Variants in ALG13 observed in about 807,000 individuals in gnomAD.
ALG13 encodes the protein UDP-N-acetylglucosamine transferase subunit ALG13.
In ALG13, 11 loss-of-function variants were observed where a neutral mutation model predicts 87.8. The ratio of observed to expected loss-of-function variants is 0.13; its 90% CI spans 0.08 to 0.21. The LOEUF (loss-of-function observed/expected upper bound fraction) is 0.21. ALG13 is among the 10% of genes least tolerant of loss of function. The pLI is 1.00. For synonymous variants in ALG13, 320 were observed against 306.3 expected, an observed-to-expected ratio of 1.04 and a Z score of -0.47; for missense variants, 756 against 866.1, an observed-to-expected ratio of 0.87 and a Z score of 1.60.
intron 20 of ALG13, 48 bp downstream of exon 20, chrX:111,730,475 T>C (rs755733766): frequency 1.7e-6 from 2 of 1,196,025 alleles, no homozygotes; most frequent in Non-Finnish European, 2.3e-6. Flanking sequence ...GTTTATAGAA[T>C]TTCAAGCTAT....
In ALG13 at chrX:111,726,988, A is replaced by T. The variant is rs1443316431; in HGVS notation, c.1909A>T (p.Met637Leu). 1.7e-6 allele frequency: 2 copies of T among 1,210,943 alleles called. No homozygotes were observed. Among genetic ancestry groups the T allele is most frequent in the Non-Finnish European group, 2.2e-6 (2 of 894,805 alleles). ...MHYSQTAGNV[M>L]SNEHFHPQHP... ...CTACTCACAGACAGCTGGCAATGTT[A>T]TGTCTAATGAACATTTTCATCCTCA... The change falls in exon 16 of 27, where the codon ATG becomes TTG. Residue 637 changes from methionine (M) to leucine (L), a missense_variant. By Grantham distance (15) the Met-to-Leu change is conservative. Transcript: ENST00000394780.
rs201622950 is a variant in ALG13 at position 111,681,192 on chromosome X, G to A, written c.-27G>A. ...CTCAGTTGCGTCATATCCGGCCCTT[G>A]CGATCAGGGCTTGAGGAACCCGCGC... On this transcript the variant is annotated 5_prime_UTR_variant, in exon 1 of 27. Coordinates refer to ENST00000394780, the MANE Select transcript of ALG13 (RefSeq NM_001099922.3). 136 of 1,200,470 alleles carry A rather than the reference G, an allele frequency of 1.1e-4. 1 individual carries two copies. The African/African-American group carries it at 2.0e-3, about 18-fold the overall frequency.
rs2148153415 is a variant in ALG13 at position 111,721,727 on chromosome X, C to G, written c.1435+16C>G. ...AGCAGAAAAGGTAAAGAAATATCAA[C>G]AGGATACTTTTGAATCCTGACAAAT... is the stretch of plus-strand genomic sequence containing the variant. On this transcript the variant is annotated intron_variant, in intron 12 of 26. Coordinates refer to ENST00000394780, the MANE Select transcript of ALG13 (RefSeq NM_001099922.3). 5 of 1,081,967 alleles carry G rather than the reference C, an allele frequency of 4.6e-6. No individual in the cohort carries two copies. The highest frequency in any genetic ancestry group is 2.3e-5 in the Admixed American group (1 of 42,705). 89.2% of individuals were successfully genotyped at this position (1,081,967 alleles called of 1,213,427 possible).
rs773641755 is a variant in ALG13, at chrX:111,718,233, C to T, written c.1209C>T (p.Ser403=). The change falls in exon 10 of 27, where the codon AGC becomes AGT. Residue 403 remains serine (S), a synonymous_variant. Coordinates refer to ENST00000394780, the MANE Select transcript of ALG13 (RefSeq NM_001099922.3). ...KKNRNNAVTG[S]EDAHTDYKSS... Reference sequence around the variant, plus strand: ...ACAGAAATAATGCTGTAACTGGAAGCGAGGATGCCCATACTGATTACAAGA... The same window carrying T: ...ACAGAAATAATGCTGTAACTGGAAGTGAGGATGCCCATACTGATTACAAGA... 1.8e-5 allele frequency: 21 copies of T among 1,191,816 alleles called. No individual in the cohort carries two copies. Among genetic ancestry groups the T allele is most frequent in the East Asian group, 6.0e-5 (2 of 33,315 alleles).
intron 3 of ALG13, chrX:111,689,342 A>C: frequency 1.3e-6 from 1 of 754,186 alleles, no homozygotes; most frequent in Non-Finnish European, 1.6e-6. Context: ...CATTTGAGAA[A>C]ATTGTGACTT....
At chrX:111,682,885 C>T (rs1450253707) in intron 2 of ALG13, among the ~76,000 whole-genome samples, 2 of 111,994 alleles carry the variant, frequency 1.8e-5, no homozygotes, top group African/African-American at 3.2e-5. Flanking sequence ...TAAATTGTTT[C>T]CTCTTCAGAG....
At chrX:111,751,720 A>G (rs1302099266) in intron 24 of ALG13, among the ~76,000 whole-genome samples, 2 of 111,539 alleles carry the variant, frequency 1.8e-5, no homozygotes, top group Non-Finnish European at 3.8e-5. Flanking sequence ...ATACAAGCTG[A>G]TTTTAAAAAA....
At chrX:111,689,158 G>T in intron 3 of ALG13, 1 of 713,164 alleles carries the variant, frequency 1.4e-6, no homozygotes, top group Non-Finnish European at 1.7e-6. Context: ...GCAGGAGGAA[G>T]CCAACTTGGA....
intron 24 of ALG13, among the ~76,000 whole-genome samples, chrX:111,747,776 C>T (rs759360551): frequency 3.6e-5 from 4 of 112,128 alleles, no homozygotes; most frequent in Admixed American, 1.9e-4. Context: ...TCAGCCACCA[C>T]GCCCTGTGGA....
At chrX:111,758,052 C>T (rs1312893018) in intron 26 of ALG13, among the ~76,000 whole-genome samples, 2 of 111,579 alleles carry the variant, frequency 1.8e-5, no homozygotes, top group Non-Finnish European at 3.8e-5. Context: ...CTAGTTGGTA[C>T]TGACCCCAGA....
chrX:111,759,967 C>T lies in ALG13; in HGVS notation c.3382C>T (p.Pro1128Ser), dbSNP rs772141937. Reference sequence around the variant, plus strand: ...AATTGGCTGTATTGCTCCATCTCCCCCAGCTTCTCATTATGTACCTCAGGG... The same window carrying T: ...AATTGGCTGTATTGCTCCATCTCCCTCAGCTTCTCATTATGTACCTCAGGG... Reference protein sequence around the residue: ...GPIGCIAPSPPASHYVPQGM With the variant: ...GPIGCIAPSPSASHYVPQGM The change falls in exon 27 of 27, where the codon CCA (proline) becomes TCA (serine). Residue 1128 changes from proline (P) to serine (S), a missense_variant. Physicochemically the swap from Pro to Ser is moderately conservative, Grantham distance 74. Transcript: ENST00000394780. 4 of 1,209,044 alleles carry T rather than the reference C, an allele frequency of 3.3e-6. No homozygotes were observed. The highest frequency in any genetic ancestry group is 2.2e-5 in the Admixed American group (1 of 45,540).
chrX:111,752,860 A>G (rs950383292), intron 25 of ALG13, 30 bp downstream of exon 25: 52 of 1,135,273 alleles, frequency 4.6e-5, no homozygotes, highest in Non-Finnish European at 6.2e-5. Flanking sequence ...TTCTTTGATA[A>G]GCCCTATTTT....
chrX:111,689,941 C>G (rs1482664135), intron 3 of ALG13: 17 of 751,742 alleles, frequency 2.3e-5, no homozygotes, highest in Non-Finnish European at 2.7e-5. Context: ...ACAACCTTAC[C>G]TAGGACTTAG....
intron 1 of ALG13, chrX:111,681,564 C>T (rs772946695): frequency 4.6e-4 from 438 of 959,355 alleles, no homozygotes; most frequent in Non-Finnish European, 5.7e-4. Flanking sequence ...CTTTTCCGGT[C>T]TGCCCCCGCG....
intron 19 of ALG13, 135 bp from the exon 20 acceptor site, chrX:111,730,260 T>A (rs993726360): frequency 2.4e-5 from 12 of 509,110 alleles, no homozygotes; most frequent in Non-Finnish European, 3.4e-5. Context: ...CATATCACTT[T>A]TCAGGATGTA....
Position 111,727,315 on chromosome X carries a change from T to A in ALG13, c.1977-17T>A. ...TAGTGAATAGAGAGTTCTAGTTTCCTTTCTCTTTATTCTTAGGAATTCATC... is the reference window on the plus strand; with the variant it reads ...TAGTGAATAGAGAGTTCTAGTTTCCATTCTCTTTATTCTTAGGAATTCATC... On this transcript the variant is annotated splice_polypyrimidine_tract_variant and intron_variant, in intron 16 of 26. Transcript: ENST00000394780. The A allele has an allele frequency of 1.7e-6, 2 of 1,165,290 alleles. No individual in the cohort carries two copies. Among genetic ancestry groups the A allele is most frequent in the Non-Finnish European group, 2.3e-6 (2 of 856,787 alleles).
chrX:111,750,021 C>T (rs999221869), intron 24 of ALG13, among the ~76,000 whole-genome samples: 1 of 111,720 alleles, frequency 9.0e-6, no homozygotes. Context: ...GATTAAAGTT[C>T]AACAGACTAA....
intron 23 of ALG13, 73 bp downstream of exon 23, chrX:111,736,952 G>T: frequency 1.2e-6 from 1 of 864,056 alleles, no homozygotes; most frequent in Non-Finnish European, 1.6e-6. Context: ...AGCTGTTCTG[G>T]TAATTACATA....
chrX:111,712,570 A>G, intron 7 of ALG13, 40 bp downstream of exon 7: 1 of 871,203 alleles, frequency 1.1e-6, no homozygotes, highest in Non-Finnish European at 1.6e-6. Flanking sequence ...GGGTATGTGC[A>G]TGCATGTGTG....
Sources: gnomAD v4.1 joint callset for allele counts (sites outside exome capture counted in the v4.1 genomes callset) on GRCh38, gnomAD v4.1.1 for gene constraint, MANE v1.5 for transcripts, NCBI Gene and HGNC (gene_info 2026-07-23, HGNC 2026-07-21) for gene names.